MAGI2: variants seen among roughly 807,000 people sequenced by gnomAD.
The protein encoded by MAGI2 is membrane associated guanylate kinase, WW and PDZ domain containing 2.
Under a neutral mutation model 133.3 loss-of-function variants are expected in MAGI2, and 35 were observed. The ratio of observed to expected loss-of-function variants is 0.26; its 90% confidence interval spans 0.20 to 0.35. MAGI2 has a LOEUF of 0.35. Among genes scored for constraint, MAGI2 ranks in the 10% least tolerant of loss-of-function variants. The pLI, the probability that MAGI2 is intolerant of heterozygous loss-of-function variation, is 1.00. For missense variants in MAGI2, 1,636 were observed against 1,863.4 expected, an observed-to-expected ratio of 0.88 and a Z score of 2.25; for synonymous variants, 729 against 710.6, an observed-to-expected ratio of 1.03 and a Z score of -0.41.
At chr7:78,595,224 C>T (rs1000082527) in intron 3 of MAGI2, among the ~76,000 whole-genome samples, 1 of 152,050 alleles carries the variant, frequency 6.6e-6, no homozygotes, top group Admixed American at 6.5e-5. Context: ...ACTTTCCTCT[C>T]CCAAATTGTT....
intron 10 of MAGI2, among the ~76,000 whole-genome samples, chr7:78,214,879 CTGTT>C (rs1257944320): frequency 2.0e-5 from 3 of 152,180 alleles, no homozygotes; most frequent in African/African-American, 7.2e-5. Context: ...CTCTTTCTCC[CTGTT>C]TATTTTTCGT....
intron 2 of MAGI2, among the ~76,000 whole-genome samples, chr7:78,728,082 T>G (rs1225733226): frequency 6.6e-6 from 1 of 152,186 alleles, no homozygotes; most frequent in Non-Finnish European, 1.5e-5. Context: ...AAGTTATAAC[T>G]AGATACTATC....
chr7:78,120,776 C>G (rs56014624), intron 20 of MAGI2, among the ~76,000 whole-genome samples: 19,262 of 151,270 alleles, frequency 0.13, 1,366 homozygotes, highest in Middle Eastern at 0.19. Context: ...CCGAGGCGGG[C>G]GGATCACGAG....
intron 2 of MAGI2, among the ~76,000 whole-genome samples, chr7:78,843,773 G>A (rs1792346095): frequency 6.6e-6 from 1 of 151,040 alleles, no homozygotes; most frequent in Non-Finnish European, 1.5e-5. Flanking sequence ...ACCCTTCTCA[G>A]AGGGTACTTT....
intron 9 of MAGI2, among the ~76,000 whole-genome samples, chr7:78,290,998 T>C (rs900455573): frequency 2.6e-5 from 4 of 152,122 alleles, no homozygotes; most frequent in Non-Finnish European, 4.4e-5. Context: ...AGATCTAAAA[T>C]TGACACCCTA....
intron 2 of MAGI2, among the ~76,000 whole-genome samples, chr7:78,923,086 G>T (rs1423451140): frequency 3.9e-5 from 6 of 152,094 alleles, no homozygotes; most frequent in Non-Finnish European, 5.9e-5. Flanking sequence ...GTAGATTCTG[G>T]ATATTAGCCC....
At chr7:78,399,136 T>G (rs981119846) in intron 6 of MAGI2, among the ~76,000 whole-genome samples, 1 of 152,162 alleles carries the variant, frequency 6.6e-6, no homozygotes, top group Non-Finnish European at 1.5e-5. Flanking sequence ...AAATCCACAG[T>G]GCAGAATATG....
At chr7:79,296,824 A>G (rs1836968599) in intron 1 of MAGI2, among the ~76,000 whole-genome samples, 1 of 152,186 alleles carries the variant, frequency 6.6e-6, no homozygotes, top group African/African-American at 2.4e-5. Context: ...TCACAATAGA[A>G]TGACTATAAC....
chr7:78,985,055 G>T (rs557669857), intron 2 of MAGI2, among the ~76,000 whole-genome samples: 1 of 149,052 alleles, frequency 6.7e-6, no homozygotes, highest in Non-Finnish European at 1.5e-5. Context: ...AGACAGGAAT[G>T]CAGTGGTGTG....
At chr7:79,026,955 T>TA (rs1809954866) in intron 1 of MAGI2, among the ~76,000 whole-genome samples, 1 of 152,064 alleles carries the variant, frequency 6.6e-6, no homozygotes, top group African/African-American at 2.4e-5. Context: ...AAGACATATT[T>TA]AAAAAATGCT....
intron 1 of MAGI2, among the ~76,000 whole-genome samples, chr7:79,429,424 T>G (rs1847622424): frequency 6.6e-6 from 1 of 152,042 alleles, no homozygotes; most frequent in South Asian, 2.1e-4. Context: ...TACCTCAGCC[T>G]CCCAAGTAGC....
In MAGI2 at chr7:79,007,138, C is replaced by T; in HGVS notation, c.370G>A (p.Glu124Lys). The T allele has an allele frequency of 6.2e-7, 1 of 1,613,438 alleles. No individual in the cohort carries two copies. The highest frequency in any genetic ancestry group is 8.5e-7 in the Non-Finnish European group (1 of 1,179,676). ...TTGTCACGAATGATTTGCTGAAGCTCATGGTCCACAGAACCCTTTTGAAAT... is the reference window on the plus strand; with the variant it reads ...TTGTCACGAATGATTTGCTGAAGCTTATGGTCCACAGAACCCTTTTGAAAT... ...LRFQKGSVDH[E>K]LQQIIRDNLY... Residue 124 changes from glutamate (E) to lysine (K), a missense_variant, in exon 2 of 22, where the codon GAG becomes AAG. Glu to Lys is a moderately conservative substitution (Grantham distance 56, BLOSUM62 1). Coordinates refer to ENST00000354212, the MANE Select transcript of MAGI2 (RefSeq NM_012301.4).
chr7:78,463,250 A>G (rs957552180), intron 6 of MAGI2, among the ~76,000 whole-genome samples: 1 of 152,218 alleles, frequency 6.6e-6, no homozygotes, highest in African/African-American at 2.4e-5. Flanking sequence ...CAGGAGAGAC[A>G]CCAACGAGGC....
At chr7:78,573,257 A>AAATATATATATATTT in intron 3 of MAGI2, among the ~76,000 whole-genome samples, 1 of 21,968 alleles carries the variant, frequency 4.6e-5, no homozygotes, top group East Asian at 2.2e-3. Context: ...AATATATATA[A>AAATATATATATATTT]ATATAAATAT....
chr7:78,193,828 CCTAA>C (rs146447843), intron 12 of MAGI2, among the ~76,000 whole-genome samples: 9,650 of 152,090 alleles, frequency 0.063, 396 homozygotes, highest in Non-Finnish European at 0.089. Flanking sequence ...GGCTTGCCAT[CCTAA>C]CTATTTTTCA....
rs753062806 is a variant in MAGI2, at chr7:78,160,260, T to C, written c.2610A>G (p.Pro870=). Residue 870 remains proline (P), a synonymous_variant, in exon 16 of 22, where the codon CCA becomes CCG. Transcript: ENST00000354212. ...CAGAGCCTGGACTTCTCCCGTTCTC[T>C]GGGCAGGGCTCCCCTGCAAAATATA... The part of the protein sequence containing the change: ...RKVLCGGEPC[P]ENGRSPGSVS... 3.8e-6 allele frequency: 6 copies of C among 1,591,338 alleles called. No individual in the cohort carries two copies. The highest frequency in any genetic ancestry group is 5.1e-6 in the Non-Finnish European group (6 of 1,167,866).
Position 78,019,261 on chromosome 7 carries a change from A to C in MAGI2, c.*54T>G, listed in dbSNP as rs1429613690. 25 of 1,567,740 alleles carry C rather than the reference A, an allele frequency of 1.6e-5. No homozygotes were observed. Among genetic ancestry groups the C allele is most frequent in the Non-Finnish European group, 2.1e-5 (24 of 1,162,990 alleles). ...ATAAATTAAAACGCCGTGAGACGGAACCTAAGAAGAACTGCCTGCGCCGGG... is the reference window on the plus strand; with the variant it reads ...ATAAATTAAAACGCCGTGAGACGGACCCTAAGAAGAACTGCCTGCGCCGGG... On this transcript the variant is annotated 3_prime_UTR_variant, in exon 22 of 22. Coordinates refer to ENST00000354212, the MANE Select transcript of MAGI2 (RefSeq NM_012301.4).
At chr7:78,858,208 G>A (rs191986691) in intron 2 of MAGI2, among the ~76,000 whole-genome samples, 216 of 152,032 alleles carry the variant, frequency 1.4e-3, no homozygotes, top group African/African-American at 4.8e-3. Context: ...ACCAGCTCCT[G>A]GATTCATTGA....
Position 78,674,233 on chromosome 7 carries a change from ATT to A in MAGI2, c.419-46996_419-46995del, listed in dbSNP as rs35089095. The stretch of plus-strand genomic sequence containing the variant: ...GAAAAATCCATCCAAATAGCAAAGC[ATT>A]TTTTTTTTTTTTACACCTGATCATG... On this transcript the variant is annotated intron_variant, in intron 2 of 21. Coordinates refer to ENST00000354212, the MANE Select transcript of MAGI2 (RefSeq NM_012301.4). 2.2e-3 allele frequency among the ~76,000 whole-genome samples: 330 copies of A among 147,652 alleles called. 1 individual carries two copies. The highest frequency in any genetic ancestry group is 5.5e-3 in the African/African-American group (221 of 40,318).
Sources: gnomAD v4.1 joint callset for allele counts (sites outside exome capture counted in the v4.1 genomes callset) on GRCh38, gnomAD v4.1.1 for gene constraint, MANE v1.5 for transcripts, NCBI Gene and HGNC (gene_info 2026-07-23, HGNC 2026-07-21) for gene names.